The following RRP1 variants were observed in gnomAD, a reference collection of about 807,000 sequenced individuals.
The protein encoded by RRP1 is ribosomal RNA processing protein 1 homolog A.
RRP1 carries 37 observed loss-of-function variants against 54.6 expected under a neutral mutation model. The observed-to-expected ratio is 0.68, with a 90% CI of 0.52 to 0.89. The LOEUF is 0.89. Among genes scored for constraint, RRP1 ranks in the 40% least tolerant of loss-of-function variants. RRP1 has a pLI of 0.00. For missense variants in RRP1, 639 were observed against 612.5 expected (o/e 1.04, Z -0.46); for synonymous variants, 262 against 244.3 (o/e 1.07, Z -0.67).
intron 4 of RRP1, among the ~76,000 whole-genome samples, chr21:43,794,313 G>T (rs1195313772): frequency 5.9e-5 from 9 of 152,234 alleles, no homozygotes; most frequent in Non-Finnish European, 1.3e-4. Flanking sequence ...TCTGCAGGGA[G>T]GCCACCCTAC....
At chr21:43,801,785 A>G (rs1034772668) in intron 11 of RRP1, among the ~76,000 whole-genome samples, 17 of 152,234 alleles carry the variant, frequency 1.1e-4, no homozygotes, top group African/African-American at 3.9e-4. Context: ...GGCCGCCAGC[A>G]TGAGCATTGT....
chr21:43,803,512 G>T lies in RRP1; in HGVS notation c.1124G>T (p.Gly375Val). The change falls in exon 13 of 13, where the codon GGG becomes GTG. Residue 375 changes from glycine (G) to valine (V), a missense_variant and splice_region_variant. Transcript: ENST00000497547. ...TCATGGGGTCTTGCTGTTTTGTCAG[G>T]GAAAGGTGAGAAGGAGCCCCCGAGC... ...KRLLRLQQER[G>V]KGEKEPPSPG... 1 of 1,549,236 alleles carries T rather than the reference G, an allele frequency of 6.5e-7. No homozygotes were observed. The highest frequency in any genetic ancestry group is 2.4e-5 in the East Asian group (1 of 41,716).
intron 9 of RRP1, 74 bp downstream of exon 9, chr21:43,799,723 G>A: frequency 7.2e-7 from 1 of 1,392,824 alleles, no homozygotes; most frequent in East Asian, 2.3e-5. Flanking sequence ...GGAAGAGGAG[G>A]GGGGCGTTAG....
intron 5 of RRP1, among the ~76,000 whole-genome samples, chr21:43,796,331 T>C (rs2085017986): frequency 6.6e-6 from 1 of 152,210 alleles, no homozygotes; most frequent in African/African-American, 2.4e-5. Flanking sequence ...GATTACCCCA[T>C]AGGGGTCTCA....
intron 3 of RRP1, 68 bp from the exon 4 acceptor site, chr21:43,793,251 T>A: frequency 2.1e-6 from 3 of 1,423,492 alleles, no homozygotes; most frequent in Non-Finnish European, 3.0e-6. Context: ...TCCTCCATGT[T>A]CTCACCTCCC....
intron 5 of RRP1, among the ~76,000 whole-genome samples, chr21:43,795,503 C>T (rs2085009760): frequency 6.6e-6 from 1 of 152,122 alleles, no homozygotes; most frequent in African/African-American, 2.4e-5. Context: ...AAAGGGTGTC[C>T]AGCCGAGGAG....
intron 11 of RRP1, among the ~76,000 whole-genome samples, chr21:43,801,138 G>A (rs1203515567): frequency 1.3e-5 from 2 of 152,212 alleles, no homozygotes; most frequent in Non-Finnish European, 2.9e-5. Context: ...GGCCTCAGGG[G>A]CTCCCAAGCA....
intron 5 of RRP1, among the ~76,000 whole-genome samples, chr21:43,797,129 C>G (rs1314736617): frequency 1.3e-5 from 2 of 152,224 alleles, no homozygotes; most frequent in African/African-American, 2.4e-5. Context: ...GAGGGAAGGC[C>G]TGTCTGAATG....
intron 4 of RRP1, 161 bp downstream of exon 4, chr21:43,793,565 G>A: frequency 1.6e-6 from 1 of 616,402 alleles, no homozygotes; most frequent in South Asian, 1.9e-5. Context: ...TCCCTGACCA[G>A]GGCTCTGCAG....
At chr21:43,796,843 G>A (rs1423938404) in intron 5 of RRP1, among the ~76,000 whole-genome samples, 2 of 152,212 alleles carry the variant, frequency 1.3e-5, no homozygotes, top group African/African-American at 4.8e-5. Flanking sequence ...GGGCTGTCTA[G>A]TCTTCAGATC....
chr21:43,802,231 C>G (rs555630445), intron 11 of RRP1, 43 bp from the exon 12 acceptor site: 1 of 1,455,544 alleles, frequency 6.9e-7, no homozygotes, highest in Non-Finnish European at 9.6e-7. Flanking sequence ...AACCATAAGT[C>G]CCCAGCCCCC....
intron 12 of RRP1, 24 bp downstream of exon 12, chr21:43,802,411 CA>C (rs746974560): frequency 5.5e-4 from 872 of 1,593,726 alleles, no homozygotes; most frequent in Admixed American, 1.1e-3. Context: ...GTGTGTTAGT[CA>C]TGGAGCCGGC....
Position 43,803,899 on chromosome 21 carries a change from GA to G in RRP1, c.*127del. 8.1e-7 allele frequency: 1 copy of G among 1,229,128 alleles called. No individual in the cohort carries two copies. Among genetic ancestry groups the G allele is most frequent in the Non-Finnish European group, 1.1e-6 (1 of 903,996 alleles). 76.1% of individuals were successfully genotyped at this position (1,229,128 alleles called of 1,614,324 possible). ...CAGAACTCCTGTGCCAGGCGGGAGG[GA>G]AGGGCGGCACTGGAGAGATGGGCCC... On this transcript the variant is annotated 3_prime_UTR_variant, in exon 13 of 13. Transcript: ENST00000497547.
Position 43,803,631 on chromosome 21 carries a change from C to G in RRP1, c.1243C>G (p.Arg415Gly), listed in dbSNP as rs749236769. The G allele has an allele frequency of 6.4e-7, 1 of 1,550,914 alleles. No homozygotes were observed. Among genetic ancestry groups the G allele is most frequent in the South Asian group, 1.2e-5 (1 of 84,110 alleles). ...EAGEQPGTAE[R>G]ALLRDQPRGR... ...TGGTGAGCAGCCAGGCACAGCTGAG[C>G]GGGCCCTGCTCCGAGATCAGCCCAG... is the stretch of plus-strand genomic sequence containing the variant. Residue 415 changes from arginine (R) to glycine (G), a missense_variant, in exon 13 of 13, where the codon CGG becomes GGG. Physicochemically the swap from Arg to Gly is moderately radical, Grantham distance 125. Coordinates refer to ENST00000497547, the MANE Select transcript of RRP1 (RefSeq NM_003683.6).
Position 43,799,663 on chromosome 21 carries a change from G to C in RRP1, c.891+14G>C. The C allele has an allele frequency of 6.2e-7, 1 of 1,602,952 alleles. No individual in the cohort carries two copies. The highest frequency in any genetic ancestry group is 8.5e-7 in the Non-Finnish European group (1 of 1,176,036). On this transcript the variant is annotated intron_variant, in intron 9 of 12. Coordinates refer to ENST00000497547, the MANE Select transcript of RRP1 (RefSeq NM_003683.6). ...CCCGTTCTCCAGGTGGGTTCCCTGGGCTCATGGCTGTGCCCTCAGCCTTTG... is the reference window on the plus strand; with the variant it reads ...CCCGTTCTCCAGGTGGGTTCCCTGGCCTCATGGCTGTGCCCTCAGCCTTTG...
intron 8 of RRP1, among the ~76,000 whole-genome samples, chr21:43,798,980 C>T (rs2085053886): frequency 6.7e-6 from 1 of 149,854 alleles, no homozygotes; most frequent in Middle Eastern, 3.4e-3. Context: ...CCTTCTCTCT[C>T]AGTAGCTGAG....
chr21:43,791,715 G>C (rs1197453441), intron 2 of RRP1, among the ~76,000 whole-genome samples: 1 of 152,106 alleles, frequency 6.6e-6, no homozygotes, highest in Non-Finnish European at 1.5e-5. Flanking sequence ...TGTTGGTCAG[G>C]CTGGTCTCGA....
In RRP1 at chr21:43,797,676, A is replaced by G. The variant is rs376009014; in HGVS notation, c.598A>G (p.Ile200Val). 5.6e-6 allele frequency: 9 copies of G among 1,613,908 alleles called. No individual in the cohort carries two copies. Among genetic ancestry groups the G allele is most frequent in the Admixed American group, 3.3e-5 (2 of 60,010 alleles). ...GAAGTTCATCGACCCCTTCTGCAGAATTGCTGCCCGGACCAAGGAGTAAGT... is the reference window on the plus strand; with the variant it reads ...GAAGTTCATCGACCCCTTCTGCAGAGTTGCTGCCCGGACCAAGGAGTAAGT... ...NLKFIDPFCR[I>V]AARTKDSLVL... The change falls in exon 7 of 13, where the codon ATT becomes GTT. Residue 200 changes from isoleucine (I) to valine (V), a missense_variant. Transcript: ENST00000497547.
intron 4 of RRP1, 40 bp from the exon 5 acceptor site, chr21:43,795,149 G>A: frequency 6.3e-7 from 1 of 1,591,802 alleles, no homozygotes; most frequent in Middle Eastern, 1.7e-4. Flanking sequence ...GCGAAGTAGG[G>A]CTGGGCTTCT....
Sources: allele counts gnomAD v4.1 joint callset (sites outside exome capture counted in the v4.1 genomes callset), GRCh38; gene constraint gnomAD v4.1.1; transcripts MANE v1.5; gene names NCBI Gene and HGNC (gene_info 2026-07-23, HGNC 2026-07-21).